Variants in AHDC1 observed in about 807,000 individuals in gnomAD.
AHDC1 encodes transcription factor Gibbin.
AHDC1 carries 7 observed loss-of-function variants against 87.9 expected under a neutral mutation model. That is an observed-to-expected ratio of 0.08 (90% confidence interval 0.05 to 0.15). AHDC1 has a LOEUF of 0.15. Ranked by LOEUF, AHDC1 falls within the 10% of genes least tolerant of loss-of-function variation. The pLI is 1.00. For missense variants in AHDC1, 1,841 were observed against 2,253.2 expected (o/e 0.82, Z 3.70); for synonymous variants, 1,051 against 1,006.8 (o/e 1.04, Z -0.83).
chr1:27,596,531 T>C (rs1457946870), intron 3 of AHDC1, among the ~76,000 whole-genome samples: 2 of 152,020 alleles, frequency 1.3e-5, no homozygotes, highest in Non-Finnish European at 2.9e-5. Flanking sequence ...GTGCTTGTGC[T>C]GGATGTTCCT....
rs990867212 is a variant in AHDC1, at chr1:27,551,097, A to G, written c.1019T>C (p.Leu340Pro). ...CAGACGGCGACCTGGGACGTCAAGC[A>G]GCTTGGGCAGGGGGTCGAGTGCCTG... The part of the protein sequence containing the change: ...DPQALDPLPK[L>P]LDVPGRRLEP... The change falls in exon 8 of 9, where the codon CTG becomes CCG. Residue 340 changes from leucine to proline, a missense_variant. Around this residue, in one of 13 missense-constraint regions of AHDC1, gnomAD observed 370 missense variants for 391.5 expected, o/e 0.95. Coordinates refer to ENST00000673934, the MANE Select transcript of AHDC1 (RefSeq NM_001371928.1). 3 of 1,573,494 alleles carry G rather than the reference A, an allele frequency of 1.9e-6. No individual in the cohort carries two copies. The highest frequency in any genetic ancestry group is 1.9e-5 in the Admixed American group (1 of 53,314).
At chr1:27,594,158 C>T (rs2089301752) in intron 3 of AHDC1, among the ~76,000 whole-genome samples, 1 of 152,128 alleles carries the variant, frequency 6.6e-6, no homozygotes, top group Non-Finnish European at 1.5e-5. Flanking sequence ...GTGGAGATTC[C>T]GTTTAAAATC....
chr1:27,568,340 T>A (rs2020411268), intron 3 of AHDC1: 1 of 152,186 alleles, frequency 6.6e-6, no homozygotes, highest in South Asian at 2.1e-4. Flanking sequence ...CTGCAGAAAG[T>A]GGTACTTGGC....
chr1:27,545,207 C>T (rs1164549739), intron 8 of AHDC1, among the ~76,000 whole-genome samples: 1 of 151,996 alleles, frequency 6.6e-6, no homozygotes, highest in Non-Finnish European at 1.5e-5. Flanking sequence ...CTTAATGCCA[C>T]TGTTTGCTGT....
At chr1:27,557,116 C>T (rs908969670) in intron 5 of AHDC1, among the ~76,000 whole-genome samples, 1 of 151,354 alleles carries the variant, frequency 6.6e-6, no homozygotes, top group Non-Finnish European at 1.5e-5. Context: ...AGGTCTGCCC[C>T]AGAACCGCCC....
In AHDC1 at chr1:27,604,114, C is replaced by A; in HGVS notation, c.-871G>T. The A allele has an allele frequency of 6.4e-6, 1 of 156,798 alleles. No homozygotes were observed. The highest frequency in any genetic ancestry group is 1.7e-4 in the South Asian group (1 of 5,720). 9.7% of individuals were successfully genotyped at this position (156,798 alleles called of 1,614,324 possible). A position where few individuals can be genotyped will look rare whatever the true frequency, so the allele number is the denominator to read the frequency against. On this transcript the variant is annotated 5_prime_UTR_variant, in exon 1 of 9. Coordinates refer to ENST00000673934, the MANE Select transcript of AHDC1 (RefSeq NM_001371928.1). ...GCCCTCGCCCTGCCTGCCTGCCTCT[C>A]TCCGTCTCCGCCGCCGCCGCCGCTG...
intron 3 of AHDC1, among the ~76,000 whole-genome samples, chr1:27,599,362 G>A (rs955680015): frequency 5.3e-5 from 8 of 151,702 alleles, no homozygotes; most frequent in East Asian, 1.9e-4. Flanking sequence ...CTCCTCTCTC[G>A]CCTCCCTCCC....
chr1:27,594,826 T>C (rs954260854), intron 3 of AHDC1, among the ~76,000 whole-genome samples: 8 of 152,076 alleles, frequency 5.3e-5, no homozygotes, highest in Admixed American at 6.5e-5. Flanking sequence ...AGGCGGGGTA[T>C]GTGACAGGGT....
At position 27,590,418 on chromosome 1, in the gene AHDC1, C is replaced by T. The variant is rs1306567574; in HGVS notation, c.-629+12979G>A. On this transcript the variant is annotated intron_variant, in intron 3 of 8. Coordinates refer to ENST00000673934, the MANE Select transcript of AHDC1 (RefSeq NM_001371928.1). The surrounding 1 kb of genome is among the most constrained non-coding windows in gnomAD (Gnocchi z 5.4). Reference sequence around the variant, plus strand: ...ACCCCCAGGCAAACTATTACCCTTCCTCTGGCCTCCCCTAAGCCCCAGCCT... The same window carrying T: ...ACCCCCAGGCAAACTATTACCCTTCTTCTGGCCTCCCCTAAGCCCCAGCCT... 6.6e-6 allele frequency among the ~76,000 whole-genome samples: 1 copy of T among 152,224 alleles called. No individual in the cohort carries two copies. Among genetic ancestry groups the T allele is most frequent in the Admixed American group, 6.5e-5 (1 of 15,292 alleles).
At chr1:27,559,939 G>A (rs1044151575) in intron 3 of AHDC1, among the ~76,000 whole-genome samples, 2 of 152,208 alleles carry the variant, frequency 1.3e-5, no homozygotes, top group African/African-American at 4.8e-5. Flanking sequence ...TCAAGGCTCA[G>A]CTGTCTGGGT....
Position 27,558,843 on chromosome 1 carries a change from G to C in AHDC1, c.-588C>G, listed in dbSNP as rs2019941979. 5.0e-6 allele frequency: 2 copies of C among 398,572 alleles called. No homozygotes were observed. The highest frequency in any genetic ancestry group is 2.1e-5 in the African/African-American group (1 of 48,628). The allele number at this position is 398,572 out of a possible 1,614,324, so 24.7% of individuals were successfully genotyped here. A position where few individuals can be genotyped will look rare whatever the true frequency, so the allele number is the denominator to read the frequency against. On this transcript the variant is annotated 5_prime_UTR_variant, in exon 4 of 9. Transcript: ENST00000673934. The surrounding 1 kb of genome is among the most constrained non-coding windows in gnomAD (Gnocchi z 5.6). ...GCACACGCTCAACTGGGTGGGCTCT[G>C]GGGTCCAGGCCGATGGGTTGACAAT...
chr1:27,545,457 T>C (rs539813546), intron 8 of AHDC1, among the ~76,000 whole-genome samples: 2 of 152,130 alleles, frequency 1.3e-5, no homozygotes, highest in African/African-American at 4.8e-5. Flanking sequence ...GGTTCCATTA[T>C]GTACTTCACT....
intron 5 of AHDC1, among the ~76,000 whole-genome samples, chr1:27,557,402 A>G (rs1178899315): frequency 6.7e-6 from 1 of 148,456 alleles, no homozygotes; most frequent in African/African-American, 2.5e-5. Flanking sequence ...TTCCCCAGAG[A>G]GCTCCTTGTT....
In AHDC1 at chr1:27,552,193, C is replaced by G; in HGVS notation, c.-74-4G>C. 1 of 1,422,394 alleles carries G rather than the reference C, an allele frequency of 7.0e-7. No individual in the cohort carries two copies. The highest frequency in any genetic ancestry group is 9.2e-7 in the Non-Finnish European group (1 of 1,091,948). 88.1% of individuals were successfully genotyped at this position (1,422,394 alleles called of 1,614,324 possible). A position where few individuals can be genotyped will look rare whatever the true frequency, so the allele number is the denominator to read the frequency against. On this transcript the variant is annotated splice_polypyrimidine_tract_variant and splice_region_variant and intron_variant, in intron 7 of 8. Transcript: ENST00000673934. ...TGCGAGAAGCCGGGACCAGGACCTG[C>G]CAGGCAGGAAGAGCAGGAGGTCCCT...
intron 3 of AHDC1, among the ~76,000 whole-genome samples, chr1:27,580,927 C>T (rs548149778): frequency 5.3e-5 from 8 of 152,178 alleles, no homozygotes; most frequent in Middle Eastern, 3.4e-3. Flanking sequence ...CTCCGCCTCC[C>T]GGGTTCAAGC....
At position 27,597,037 on chromosome 1, in the gene AHDC1, C is replaced by T. The variant is rs574379627; in HGVS notation, c.-629+6360G>A. Among the ~76,000 whole-genome samples, 34 of 152,352 alleles carry T rather than the reference C, an allele frequency of 2.2e-4. 1 individual carries two copies. Among genetic ancestry groups the T allele is most frequent in the African/African-American group, 7.9e-4 (33 of 41,566 alleles). On this transcript the variant is annotated intron_variant, in intron 3 of 8. Transcript: ENST00000673934. The stretch of plus-strand genomic sequence containing the variant: ...AGACAGCTCCCCACTACCCAAGCCA[C>T]TGGGCATTTCTCTGTGTCCAGGTCA...
chr1:27,575,433 C>T (rs1557691993), intron 3 of AHDC1, among the ~76,000 whole-genome samples: 1 of 152,162 alleles, frequency 6.6e-6, no homozygotes, highest in Non-Finnish European at 1.5e-5. Flanking sequence ...GCTCTCTCCA[C>T]TCCCGCAGTC....
chr1:27,581,147 T>C (rs1449604047), intron 3 of AHDC1, among the ~76,000 whole-genome samples: 1 of 152,096 alleles, frequency 6.6e-6, no homozygotes, highest in African/African-American at 2.4e-5. Flanking sequence ...TTTTTGTTTT[T>C]GAGACAGGGT....
rs1282945834 is a variant in AHDC1 at position 27,552,185 on chromosome 1, A to G, written c.-70T>C. On this transcript the variant is annotated 5_prime_UTR_variant, in exon 8 of 9. Transcript: ENST00000673934. ...CATGAGGGTGCGAGAAGCCGGGACC[A>G]GGACCTGCCAGGCAGGAAGAGCAGG... The G allele has an allele frequency of 5.6e-6, 8 of 1,425,364 alleles. No individual in the cohort carries two copies. The Admixed American group carries it at 1.7e-4, about 31-fold the overall frequency. 88.3% of individuals were successfully genotyped at this position (1,425,364 alleles called of 1,614,324 possible).
Sources: gnomAD v4.1 joint callset for allele counts (sites outside exome capture counted in the v4.1 genomes callset) on GRCh38, gnomAD v4.1.1 for gene constraint, gnomAD v4.1.1 regional missense constraint, Gnocchi (gnomAD v3.1) non-coding constraint, MANE v1.5 for transcripts, NCBI Gene and HGNC (gene_info 2026-07-23, HGNC 2026-07-21) for gene names.